MAEA: variants seen among roughly 807,000 people sequenced by gnomAD.
MAEA encodes the protein E3 ubiquitin-protein transferase MAEA.
MAEA carries 22 observed loss-of-function variants against 46.2 expected under a neutral mutation model. The ratio of observed to expected loss-of-function variants is 0.48; its 90% CI spans 0.34 to 0.68. MAEA has a LOEUF of 0.68. Ranked by LOEUF, MAEA falls within the 30% of genes least tolerant of loss-of-function variation. The probability of loss-of-function intolerance (pLI) is 0.01; values close to 1 mark genes in which losing one functional copy is unlikely to be tolerated. For missense variants in MAEA, 393 were observed against 558.1 expected, an observed-to-expected ratio of 0.70 and a Z score of 2.98; for synonymous variants, 246 against 222.6, an observed-to-expected ratio of 1.11 and a Z score of -0.94.
rs752432316 is a variant in MAEA at position 1,312,199 on chromosome 4, A to G, written c.252+38A>G. 6.8e-6 allele frequency: 11 copies of G among 1,610,628 alleles called. No homozygotes were observed. The Admixed American group carries it at 1.2e-4, about 17-fold the overall frequency. On this transcript the variant is annotated intron_variant, in intron 2 of 8. Transcript: ENST00000303400. ...TGGCGGTCCCTCTTCAGTCTGGGGC[A>G]TGGACACCCCTTTTGTCTCGAAAAT...
intron 5 of MAEA, 29 bp from the exon 6 acceptor site, chr4:1,332,728 C>A: frequency 3.8e-6 from 6 of 1,580,268 alleles, no homozygotes; most frequent in Non-Finnish European, 5.2e-6. Context: ...AAAACGCAAA[C>A]TTAAATGTGC....
intron 8 of MAEA, 197 bp downstream of exon 8, chr4:1,338,814 G>T (rs1158931401): frequency 4.4e-6 from 3 of 680,374 alleles, no homozygotes; most frequent in Non-Finnish European, 7.3e-6. Context: ...CAGGGCAGCG[G>T]GGCCAGGCTG....
At chr4:1,303,999 T>C (rs571952914) in intron 1 of MAEA, among the ~76,000 whole-genome samples, 1 of 150,160 alleles carries the variant, frequency 6.7e-6, no homozygotes, top group Admixed American at 6.6e-5. Flanking sequence ...CACACAGGAG[T>C]CGGGAGTTTT....
chr4:1,298,431 C>T (rs1008422750), intron 1 of MAEA, among the ~76,000 whole-genome samples: 1 of 152,068 alleles, frequency 6.6e-6, no homozygotes, highest in Non-Finnish European at 1.5e-5. Flanking sequence ...GAGGCACACG[C>T]GCCGTCTTCT....
chr4:1,322,260 G>A (rs1378997538), intron 3 of MAEA, 121 bp from the exon 4 acceptor site: 2 of 1,337,220 alleles, frequency 1.5e-6, no homozygotes, highest in Non-Finnish European at 2.1e-6. Context: ...AGTGTGGACT[G>A]GAGATGCATC....
chr4:1,323,416 G>T, intron 4 of MAEA: 1 of 696,110 alleles, frequency 1.4e-6, no homozygotes, highest in Non-Finnish European at 2.6e-6. Context: ...TCTAAACTGA[G>T]CGCTGCTTTA....
chr4:1,305,400 C>T (rs1412639993), intron 1 of MAEA, among the ~76,000 whole-genome samples: 1 of 152,216 alleles, frequency 6.6e-6, no homozygotes, highest in Admixed American at 6.5e-5. Context: ...CTGGAGGACT[C>T]TTCGGTGTGG....
At chr4:1,329,689 G>A (rs1203867871) in intron 5 of MAEA, 15 of 985,670 alleles carry the variant, frequency 1.5e-5, no homozygotes, top group Middle Eastern at 5.2e-4. Context: ...CAAGGCACAC[G>A]GGAGCTGGGC....
chr4:1,339,837 C>CT lies in MAEA; in HGVS notation c.*669dup, dbSNP rs1173879820. On this transcript the variant is annotated 3_prime_UTR_variant, in exon 9 of 9. Transcript: ENST00000303400. ...CTGCGTCGTTTCGATATCACACCCT[C>CT]TGTGTGCCGCCTTACTTCCTGCTTC... 1 of 152,842 alleles carries CT rather than the reference C, an allele frequency of 6.5e-6. No individual in the cohort carries two copies. The highest frequency in any genetic ancestry group is 1.5e-5 in the Non-Finnish European group (1 of 68,172). The allele number at this position is 152,842 out of a possible 1,614,324, so 9.5% of individuals were successfully genotyped here. A position where few individuals can be genotyped will look rare whatever the true frequency, so the allele number is the denominator to read the frequency against.
At chr4:1,301,660 C>G (rs1388068492) in intron 1 of MAEA, among the ~76,000 whole-genome samples, 2 of 152,196 alleles carry the variant, frequency 1.3e-5, no homozygotes. Flanking sequence ...ATGATTGTGT[C>G]CCTGCACTCC....
At chr4:1,302,541 G>A (rs1735416919) in intron 1 of MAEA, among the ~76,000 whole-genome samples, 1 of 152,182 alleles carries the variant, frequency 6.6e-6, no homozygotes, top group Non-Finnish European at 1.5e-5. Flanking sequence ...GTACAGTGGC[G>A]CCATCTCGGC....
rs1468395781 is a variant in MAEA, at chr4:1,339,260, G to A, written c.*91G>A. ...CCTGTCCCACGCTCCAGCCTGCCGC[G>A]GCGTTTCTGTTTCTTGCGACCAAAG... On this transcript the variant is annotated 3_prime_UTR_variant, in exon 9 of 9. Transcript: ENST00000303400. The A allele has an allele frequency of 1.9e-5, 17 of 912,408 alleles. No individual in the cohort carries two copies. Among genetic ancestry groups the A allele is most frequent in the Admixed American group, 1.2e-4 (6 of 51,140 alleles). 56.5% of individuals were successfully genotyped at this position (912,408 alleles called of 1,614,324 possible). A position where few individuals can be genotyped will look rare whatever the true frequency, so the allele number is the denominator to read the frequency against.
chr4:1,330,594 C>A (rs567029693), intron 5 of MAEA: 2 of 152,078 alleles, frequency 1.3e-5, no homozygotes, highest in African/African-American at 2.4e-5. Context: ...GGATTACAGG[C>A]GTGAGCCACC....
intron 2 of MAEA, among the ~76,000 whole-genome samples, chr4:1,314,762 C>T (rs1362857520): frequency 6.6e-6 from 1 of 152,222 alleles, no homozygotes; most frequent in African/African-American, 2.4e-5. Flanking sequence ...TCCAAAGGGG[C>T]AACAGACAGC....
chr4:1,328,016 C>T (rs1252167053), intron 5 of MAEA, among the ~76,000 whole-genome samples: 5 of 152,222 alleles, frequency 3.3e-5, no homozygotes, highest in South Asian at 2.1e-4. Flanking sequence ...ATCAGGCTCC[C>T]GGCACCCCCT....
rs1457308453 is a variant in MAEA at position 1,332,714 on chromosome 4, A to G, written c.657-43A>G. ...GTGAAACCCTGTCTCTAAAAGTTAA[A>G]ATTAAAACGCAAACTTAAATGTGCC... On this transcript the variant is annotated intron_variant, in intron 5 of 8. Transcript: ENST00000303400. The G allele has an allele frequency of 2.0e-6, 3 of 1,523,496 alleles. No homozygotes were observed. In the African/African-American group the frequency reaches 4.1e-5, roughly 21 times the overall value. The allele number at this position is 1,523,496 out of a possible 1,614,324, so 94.4% of individuals were successfully genotyped here.
intron 1 of MAEA, among the ~76,000 whole-genome samples, chr4:1,294,893 G>T (rs1021147840): frequency 5.3e-5 from 8 of 152,112 alleles, no homozygotes; most frequent in Non-Finnish European, 1.5e-5. Flanking sequence ...GCGGAGCTAA[G>T]TTTTGGGGTG....
rs1289800660 is a variant in MAEA at position 1,320,152 on chromosome 4, C to G, written c.457-2229C>G. Among the ~76,000 whole-genome samples, 3 of 137,376 alleles carry G rather than the reference C, an allele frequency of 2.2e-5. No individual in the cohort carries two copies. In the East Asian group the frequency reaches 7.2e-4, roughly 33 times the overall value. The allele number at this position is 137,376 out of a possible 152,430, so 90.1% of individuals were successfully genotyped here. On this transcript the variant is annotated intron_variant, in intron 3 of 8. Transcript: ENST00000303400. ...GGGCTTCAGAAAAGAATCATCAAAG[C>G]AAACATGCAAGAAAACACTATGAAG...
chr4:1,318,109 C>T (rs150223394), intron 3 of MAEA, among the ~76,000 whole-genome samples: 48 of 152,298 alleles, frequency 3.2e-4, no homozygotes, highest in Admixed American at 8.5e-4. Context: ...CCCGTGTGCC[C>T]GGCTTCCCCC....
Sources: gnomAD v4.1 joint callset for allele counts (sites outside exome capture counted in the v4.1 genomes callset) on GRCh38, gnomAD v4.1.1 for gene constraint, MANE v1.5 for transcripts, NCBI Gene and HGNC (gene_info 2026-07-23, HGNC 2026-07-21) for gene names.